The following ERBB4 variants were observed in gnomAD, a reference collection of about 807,000 sequenced individuals.
ERBB4 encodes the protein erb-b2 receptor tyrosine kinase 4, also known as receptor tyrosine-protein kinase erbB-4.
A neutral mutation model predicts 158.0 loss-of-function variants in ERBB4; 42 were observed. The observed-to-expected ratio is 0.27, with a 90% confidence interval of 0.21 to 0.34. The LOEUF is 0.34. Among genes scored for constraint, ERBB4 ranks in the 10% least tolerant of loss-of-function variants. The pLI is 1.00. For missense variants in ERBB4, 1,333 were observed against 1,624.1 expected (o/e 0.82, Z 3.08); for synonymous variants, 583 against 558.7 (o/e 1.04, Z -0.61).
At position 211,383,478 on chromosome 2, in the gene ERBB4, C is replaced by A; in HGVS notation, c.*137G>T. The A allele has an allele frequency of 1.4e-6, 1 of 707,022 alleles. No individual in the cohort carries two copies. Among genetic ancestry groups the A allele is most frequent in the Non-Finnish European group, 2.5e-6 (1 of 398,460 alleles). The allele number at this position is 707,022 out of a possible 1,614,324, so 43.8% of individuals were successfully genotyped here. ...TCAAGTTAGGTAAGCACATAACTAT[C>A]ATTGCATCTCTGTATCTTCCACTGG... On this transcript the variant is annotated 3_prime_UTR_variant, in exon 28 of 28. Coordinates refer to ENST00000342788, the MANE Select transcript of ERBB4 (RefSeq NM_005235.3).
chr2:211,756,139 TG>T (rs1351594685), intron 4 of ERBB4, among the ~76,000 whole-genome samples: 1 of 152,108 alleles, frequency 6.6e-6, no homozygotes, highest in African/African-American at 2.4e-5. Flanking sequence ...AAAAGACGAA[TG>T]TCACTACCCT....
At chr2:212,418,011 TA>T (rs199568303) in intron 1 of ERBB4, among the ~76,000 whole-genome samples, 5,043 of 152,012 alleles carry the variant, frequency 0.033, 137 homozygotes, top group Non-Finnish European at 0.054. Context: ...AGCTTCCCTG[TA>T]AGGATACAAC....
chr2:211,700,154 G>A (rs2073179914), intron 12 of ERBB4, among the ~76,000 whole-genome samples: 1 of 152,006 alleles, frequency 6.6e-6, no homozygotes, highest in Non-Finnish European at 1.5e-5. Flanking sequence ...CCCTGATTTA[G>A]GGAAACATTC....
At chr2:211,854,068 G>A (rs73071334) in intron 3 of ERBB4, among the ~76,000 whole-genome samples, 5,345 of 152,180 alleles carry the variant, frequency 0.035, 362 homozygotes, top group African/African-American at 0.12. Flanking sequence ...CAATGTTACG[G>A]TGTTTGAATT....
At chr2:211,922,701 C>T (rs1337411945) in intron 3 of ERBB4, among the ~76,000 whole-genome samples, 2 of 151,904 alleles carry the variant, frequency 1.3e-5, no homozygotes, top group African/African-American at 2.4e-5. Flanking sequence ...CAACTGCTTA[C>T]GAGGAGGTAG....
In ERBB4 at chr2:212,382,157, A is replaced by G. The variant is rs529033330; in HGVS notation, c.82+156292T>C. Among the ~76,000 whole-genome samples the G allele has an allele frequency of 1.5e-3, 220 of 150,242 alleles. 2 individuals carry two copies. Among genetic ancestry groups the G allele is most frequent in the Middle Eastern group, 3.5e-3 (1 of 282 alleles). ...CATAAATGTATATTATACACATACA[A>G]TATATATTATACACATGCACACATA... On this transcript the variant is annotated intron_variant, in intron 1 of 27. Coordinates refer to ENST00000342788, the MANE Select transcript of ERBB4 (RefSeq NM_005235.3).
At chr2:212,067,629 G>T (rs542842914) in intron 2 of ERBB4, among the ~76,000 whole-genome samples, 1 of 151,960 alleles carries the variant, frequency 6.6e-6, no homozygotes, top group Non-Finnish European at 1.5e-5. Flanking sequence ...AATGTCAGAT[G>T]TCACAACCAG....
chr2:211,886,130 T>C (rs1164326239), intron 3 of ERBB4, among the ~76,000 whole-genome samples: 1 of 152,212 alleles, frequency 6.6e-6, no homozygotes, highest in Non-Finnish European at 1.5e-5. Context: ...TTCTGTTTTC[T>C]CTGTCTTAGA....
intron 4 of ERBB4, among the ~76,000 whole-genome samples, chr2:211,755,923 G>A (rs1333494442): frequency 6.6e-6 from 1 of 152,194 alleles, no homozygotes; most frequent in Non-Finnish European, 1.5e-5. Flanking sequence ...AGGCAACGCA[G>A]TTACATCCCT....
intron 17 of ERBB4, among the ~76,000 whole-genome samples, chr2:211,628,501 A>G: frequency 6.6e-6 from 1 of 152,170 alleles, no homozygotes; most frequent in East Asian, 1.9e-4. Flanking sequence ...ACATGAACTC[A>G]TCATTTTTTA....
intron 3 of ERBB4, among the ~76,000 whole-genome samples, chr2:211,813,688 A>C (rs562480748): frequency 2.0e-4 from 31 of 152,276 alleles, no homozygotes; most frequent in African/African-American, 7.2e-4. Context: ...AGACATGTAG[A>C]AATTAACTGA....
At chr2:212,389,252 A>T (rs1444928528) in intron 1 of ERBB4, among the ~76,000 whole-genome samples, 2 of 152,086 alleles carry the variant, frequency 1.3e-5, no homozygotes, top group African/African-American at 4.8e-5. Flanking sequence ...ATTTAAAAAT[A>T]GATACATATA....
chr2:212,435,325 G>T (rs2105955757), intron 1 of ERBB4, among the ~76,000 whole-genome samples: 1 of 152,038 alleles, frequency 6.6e-6, no homozygotes, highest in Non-Finnish European at 1.5e-5. Flanking sequence ...CAACGGAGTT[G>T]TTGTCACTCT....
chr2:212,016,448 A>C (rs2125318927), intron 2 of ERBB4, among the ~76,000 whole-genome samples: 1 of 152,320 alleles, frequency 6.6e-6, no homozygotes, highest in East Asian at 1.9e-4. Flanking sequence ...TTATTCTGTA[A>C]CATATTCATA....
chr2:211,987,247 G>T (rs1427036101), intron 2 of ERBB4, among the ~76,000 whole-genome samples: 1 of 149,676 alleles, frequency 6.7e-6, no homozygotes, highest in Non-Finnish European at 1.5e-5. Context: ...CTTGAACCCA[G>T]GAGGTAGAGG....
intron 2 of ERBB4, among the ~76,000 whole-genome samples, chr2:212,086,897 C>T (rs562275587): frequency 1.8e-4 from 28 of 151,986 alleles, no homozygotes; most frequent in Admixed American, 9.9e-4. Context: ...CTCCAAGCAC[C>T]GAACAAACTG....
intron 3 of ERBB4, among the ~76,000 whole-genome samples, chr2:211,883,186 C>T (rs185109243): frequency 2.0e-5 from 3 of 152,140 alleles, no homozygotes; most frequent in Non-Finnish European, 4.4e-5. Context: ...TCTCAGCAAA[C>T]TATCGCAAGG....
At chr2:211,904,835 T>C (rs1021625806) in intron 3 of ERBB4, among the ~76,000 whole-genome samples, 1 of 152,068 alleles carries the variant, frequency 6.6e-6, no homozygotes, top group Admixed American at 6.6e-5. Context: ...GAAAGATGGG[T>C]ACTATTTTAG....
In ERBB4 at chr2:212,180,570, A is replaced by C. The variant is rs539359606; in HGVS notation, c.83-55667T>G. On this transcript the variant is annotated intron_variant, in intron 1 of 27. Transcript: ENST00000342788. ...TTACAGATTTCTTATTCTGTCTGAAACTTTATTAATCAGAAACAAAGCATT... is the reference window on the plus strand; with the variant it reads ...TTACAGATTTCTTATTCTGTCTGAACCTTTATTAATCAGAAACAAAGCATT... Among the ~76,000 whole-genome samples the C allele has an allele frequency of 2.0e-5, 3 of 151,732 alleles. No individual in the cohort carries two copies. In the East Asian group the frequency reaches 5.8e-4, roughly 29 times the overall value.
Sources: allele counts gnomAD v4.1 joint callset (sites outside exome capture counted in the v4.1 genomes callset), GRCh38; gene constraint gnomAD v4.1.1; transcripts MANE v1.5; gene names NCBI Gene and HGNC (gene_info 2026-07-23, HGNC 2026-07-21).